XG: variants seen among roughly 807,000 people sequenced by gnomAD.
The protein encoded by XG is glycoprotein Xg.
A neutral mutation model predicts 25.7 loss-of-function variants in XG; 24 were observed. The observed-to-expected ratio is 0.93, with a 90% CI of 0.68 to 1.31. The LOEUF is 1.31. Among genes scored for constraint, XG ranks in the 40% most tolerant of loss-of-function variants. XG has a pLI of 0.00. For missense variants in XG, 181 were observed against 187.6 expected (o/e 0.96, Z 0.21); for synonymous variants, 77 against 69.2 (o/e 1.11, Z -0.56).
intron 4 of XG, among the ~76,000 whole-genome samples, chrX:2,784,298 T>C (rs111595179): frequency 0.071 from 7,803 of 110,008 alleles, 232 homozygotes; most frequent in African/African-American, 0.11. Flanking sequence ...ACTTAAAATG[T>C]GTGGCTGGGC....
chrX:2,801,656 C>G (rs1377156146), intron 7 of XG, among the ~76,000 whole-genome samples: 1 of 111,984 alleles, frequency 8.9e-6, no homozygotes, highest in Non-Finnish European at 1.9e-5. Context: ...CCGGCATTCA[C>G]CCATGTAAGC....
At chrX:2,797,220 T>C in intron 6 of XG, 90 bp from the exon 7 acceptor site, 1 of 979,193 alleles carries the variant, frequency 1.0e-6, no homozygotes, top group Admixed American at 2.4e-5. Context: ...CTTGTTGCCA[T>C]TCCCAATGAG....
intron 7 of XG, among the ~76,000 whole-genome samples, chrX:2,805,201 G>T (rs1022876664): frequency 4.4e-5 from 5 of 112,677 alleles, no homozygotes; most frequent in Admixed American, 2.8e-4. Context: ...GTGGCTGGCC[G>T]CGGAGGGAAG....
chrX:2,752,481 G>A (rs886186866), intron 1 of XG, 146 bp downstream of exon 1: 254 of 1,127,948 alleles, frequency 2.3e-4, no homozygotes, highest in Non-Finnish European at 3.0e-4. Context: ...AGAGCGATGG[G>A]TGGCTGAGAG....
At chrX:2,776,775 G>C (rs1174619028) in intron 3 of XG, among the ~76,000 whole-genome samples, 1 of 151,700 alleles carries the variant, frequency 6.6e-6, no homozygotes, top group Non-Finnish European at 1.5e-5. Context: ...GTGAACCCGG[G>C]AGGCGGAGCT....
intron 3 of XG, among the ~76,000 whole-genome samples, chrX:2,775,519 G>C (rs1409780522): frequency 1.3e-5 from 2 of 152,134 alleles, no homozygotes; most frequent in African/African-American, 2.4e-5. Flanking sequence ...TTTCTTTTTG[G>C]GGGAACGAAA....
chrX:2,814,250 G>T, intron 10 of XG, 114 bp from the exon 11 acceptor site: 1 of 929,022 alleles, frequency 1.1e-6, no homozygotes. Flanking sequence ...CCTAAATCTA[G>T]AGCAAGAGTC....
At chrX:2,813,607 C>T (rs752287389) in intron 10 of XG, among the ~76,000 whole-genome samples, 20 of 112,451 alleles carry the variant, frequency 1.8e-4, no homozygotes, top group African/African-American at 5.5e-4. Context: ...CTGCTGAGGC[C>T]ATACACTGAA....
At chrX:2,771,511 G>A (rs2050819216) in intron 2 of XG, among the ~76,000 whole-genome samples, 1 of 152,212 alleles carries the variant, frequency 6.6e-6, no homozygotes, top group African/African-American at 2.4e-5. Context: ...CCTGCAGAAA[G>A]TCCTGCTTGA....
intron 7 of XG, among the ~76,000 whole-genome samples, chrX:2,805,595 T>C (rs1226944309): frequency 6.0e-5 from 6 of 99,788 alleles, no homozygotes; most frequent in African/African-American, 1.9e-4. Context: ...ATTGATTCTC[T>C]CACCGTCCTA....
rs750939201 is a variant in XG, at chrX:2,776,218, G to A, written c.127+1479G>A. Among the ~76,000 whole-genome samples, 37 of 152,224 alleles carry A rather than the reference G, an allele frequency of 2.4e-4. No individual in the cohort carries two copies. The South Asian group carries it at 7.3e-3, about 30-fold the overall frequency. On this transcript the variant is annotated intron_variant, in intron 3 of 10. Coordinates refer to ENST00000644266, the MANE Select transcript of XG (RefSeq NM_001141919.2). ...TTAATAGTCTCTCGGTCCTGAGGAAGGGGCTTGATTAACTTTTAGATCTTG... is the reference window on the plus strand; with the variant it reads ...TTAATAGTCTCTCGGTCCTGAGGAAAGGGCTTGATTAACTTTTAGATCTTG...
intron 1 of XG, among the ~76,000 whole-genome samples, chrX:2,762,597 C>CA (rs2050589124): frequency 6.6e-6 from 1 of 152,066 alleles, no homozygotes; most frequent in South Asian, 2.1e-4. Context: ...ACTTCTTAAC[C>CA]AATTAGAGAA....
In XG at chrX:2,815,123, C is replaced by T. The variant is rs1455838734; in HGVS notation, c.*743C>T. Reference sequence around the variant, plus strand: ...GGAGACAGAAATAGTGATTATCAGGCGTTGAGCCTTTTTGTAGTATTTTTA... The same window carrying T: ...GGAGACAGAAATAGTGATTATCAGGTGTTGAGCCTTTTTGTAGTATTTTTA... On this transcript the variant is annotated 3_prime_UTR_variant, in exon 11 of 11. Coordinates refer to ENST00000644266, the MANE Select transcript of XG (RefSeq NM_001141919.2). The T allele has an allele frequency of 2.7e-5, 3 of 111,432 alleles. No homozygotes were observed. Among genetic ancestry groups the T allele is most frequent in the Non-Finnish European group, 5.6e-5 (3 of 53,102 alleles). 9.2% of individuals were successfully genotyped at this position (111,432 alleles called of 1,213,427 possible).
intron 3 of XG, among the ~76,000 whole-genome samples, chrX:2,776,884 TC>T (rs1313346117): frequency 2.0e-5 from 3 of 152,092 alleles, no homozygotes; most frequent in African/African-American, 7.2e-5. Context: ...CTCCCAGACT[TC>T]CAGCAGACTC....
intron 7 of XG, among the ~76,000 whole-genome samples, chrX:2,803,819 A>T (rs1262138758): frequency 9.0e-6 from 1 of 111,251 alleles, no homozygotes; most frequent in Non-Finnish European, 1.9e-5. Context: ...CGACCCCTAA[A>T]CCATAATTTT....
At chrX:2,776,443 C>T (rs2050993198) in intron 3 of XG, among the ~76,000 whole-genome samples, 1 of 152,078 alleles carries the variant, frequency 6.6e-6, no homozygotes, top group African/African-American at 2.4e-5. Context: ...TGTAGCTCGC[C>T]ACAGTATCTT....
At chrX:2,804,189 A>T (rs1385891130) in intron 7 of XG, among the ~76,000 whole-genome samples, 6 of 112,555 alleles carry the variant, frequency 5.3e-5, no homozygotes, top group Non-Finnish European at 1.1e-4. Context: ...AGTCCTACAA[A>T]GTCCAACTGG....
Position 2,783,424 on chromosome X carries a change from C to G in XG, c.190+1296C>G, listed in dbSNP as rs375880061. Among the ~76,000 whole-genome samples the G allele has an allele frequency of 2.7e-5, 3 of 111,819 alleles. No homozygotes were observed. The East Asian group carries it at 8.4e-4, about 31-fold the overall frequency. ...GAAAGAAGAAAGGAAAAGATAGATT[C>G]TGGCCATTAAAGTTATCAGCAGTTC... On this transcript the variant is annotated intron_variant, in intron 4 of 10. Coordinates refer to ENST00000644266, the MANE Select transcript of XG (RefSeq NM_001141919.2).
chrX:2,806,425 AT>A (rs1321284587), intron 7 of XG, among the ~76,000 whole-genome samples: 1 of 108,645 alleles, frequency 9.2e-6, no homozygotes, highest in Non-Finnish European at 1.9e-5. Flanking sequence ...ATTTGCTGGC[AT>A]TTTTTTTTAT....
Sources: gnomAD v4.1 joint callset for allele counts (sites outside exome capture counted in the v4.1 genomes callset) on GRCh38, gnomAD v4.1.1 for gene constraint, MANE v1.5 for transcripts, NCBI Gene and HGNC (gene_info 2026-07-23, HGNC 2026-07-21) for gene names.